Variants in ZFP64 observed in about 807,000 individuals in gnomAD.
ZFP64 encodes the protein zinc finger protein 64.
A neutral mutation model predicts 51.6 loss-of-function variants in ZFP64; 14 were observed. That is an observed-to-expected ratio of 0.27 (90% confidence interval 0.18 to 0.42). The LOEUF is 0.42. Ranked by LOEUF, ZFP64 falls within the 10% of genes least tolerant of loss-of-function variation. The probability of loss-of-function intolerance (pLI) is 1.00; values close to 1 mark genes in which losing one functional copy is unlikely to be tolerated. For missense variants in ZFP64, 754 were observed against 906.8 expected, an observed-to-expected ratio of 0.83 and a Z score of 2.16; for synonymous variants, 375 against 361.4, an observed-to-expected ratio of 1.04 and a Z score of -0.43.
chr20:52,164,741 A>T lies in ZFP64; in HGVS notation c.465T>A (p.Thr155=). 1 of 1,611,664 alleles carries T rather than the reference A, an allele frequency of 6.2e-7. No homozygotes were observed. Among genetic ancestry groups the T allele is most frequent in the Non-Finnish European group, 8.5e-7 (1 of 1,179,424 alleles). ...NCCYPGCQFK[T]AYGMKDMERH... ...GCTCCATGTCCTTCATGCCATAAGCAGTCTTGAATTGGCAACCTAAAAAAA... is the reference window on the plus strand; with the variant it reads ...GCTCCATGTCCTTCATGCCATAAGCTGTCTTGAATTGGCAACCTAAAAAAA... Residue 155 remains threonine (T), a synonymous_variant, in exon 4 of 6, where the codon ACT becomes ACA. Transcript: ENST00000216923.
chr20:52,189,968 A>G (rs1038392110), intron 1 of ZFP64, among the ~76,000 whole-genome samples: 11 of 152,228 alleles, frequency 7.2e-5, no homozygotes, highest in African/African-American at 2.7e-4. Flanking sequence ...ATATATGGTT[A>G]GATAAAATTA....
intron 5 of ZFP64, among the ~76,000 whole-genome samples, chr20:52,122,903 T>C (rs1333353206): frequency 6.6e-6 from 1 of 152,204 alleles, no homozygotes; most frequent in Non-Finnish European, 1.5e-5. Flanking sequence ...ATGGTGAAGA[T>C]GCTGTGAATG....
chr20:52,184,406 C>A (rs948562442), intron 2 of ZFP64, among the ~76,000 whole-genome samples: 6 of 152,218 alleles, frequency 3.9e-5, no homozygotes, highest in Non-Finnish European at 8.8e-5. Context: ...CACTCTCTAA[C>A]ACCTCCCCCA....
intron 5 of ZFP64, chr20:52,098,719 T>C: frequency 2.4e-6 from 3 of 1,238,666 alleles, no homozygotes; most frequent in South Asian, 1.5e-5. Context: ...ATGAAAGCCA[T>C]GTGACCAGGC....
intron 7 of ZFP64, among the ~76,000 whole-genome samples, chr20:52,095,781 C>G (rs2078982164): frequency 6.6e-6 from 1 of 152,176 alleles, no homozygotes; most frequent in Non-Finnish European, 1.5e-5. Flanking sequence ...TGTGGATGTT[C>G]CAGGCCTTTC....
At chr20:52,107,034 C>G (rs1978325074) in intron 5 of ZFP64, among the ~76,000 whole-genome samples, 1 of 152,156 alleles carries the variant, frequency 6.6e-6, no homozygotes, top group Non-Finnish European at 1.5e-5. Context: ...GGAGGTGGAG[C>G]CGAGATCGCG....
At chr20:52,097,115 A>T in intron 7 of ZFP64, 1 of 502,644 alleles carries the variant, frequency 2.0e-6, no homozygotes, top group South Asian at 2.0e-5. Context: ...GGCTGCCCTA[A>T]AAAAAAAAGC....
chr20:52,119,567 T>C (rs6126464), intron 5 of ZFP64, among the ~76,000 whole-genome samples: 19,994 of 121,554 alleles, frequency 0.16, 1,882 homozygotes, highest in Non-Finnish European at 0.22. Flanking sequence ...TATATATATA[T>C]ACACACACAA....
intron 7 of ZFP64, among the ~76,000 whole-genome samples, chr20:52,095,200 AC>A (rs2078975727): frequency 6.6e-6 from 1 of 152,136 alleles, no homozygotes; most frequent in African/African-American, 2.4e-5. Context: ...TGGGCACACA[AC>A]CGCACAGGAG....
At chr20:52,117,746 C>T (rs917303728) in intron 5 of ZFP64, 1 of 445,194 alleles carries the variant, frequency 2.2e-6, no homozygotes. Flanking sequence ...TTCAACTTGC[C>T]TAGAAATGCC....
chr20:52,121,214 G>T (rs556093567), intron 5 of ZFP64, among the ~76,000 whole-genome samples: 18 of 152,248 alleles, frequency 1.2e-4, no homozygotes, highest in African/African-American at 4.3e-4. Flanking sequence ...AAGGGAGGGT[G>T]GTGCATCTCT....
chr20:52,170,470 C>A (rs1982629810), intron 2 of ZFP64, among the ~76,000 whole-genome samples: 1 of 151,906 alleles, frequency 6.6e-6, no homozygotes, highest in Non-Finnish European at 1.5e-5. Flanking sequence ...AAAAACAAAA[C>A]CCAACAGCAA....
chr20:52,138,042 TAAA>T (rs1314203345), intron 5 of ZFP64, among the ~76,000 whole-genome samples: 5 of 122,784 alleles, frequency 4.1e-5, no homozygotes, highest in Admixed American at 8.5e-5. Context: ...AATAAATAAA[TAAA>T]TAAATAAATA....
At chr20:52,125,665 C>T (rs1226067283) in intron 5 of ZFP64, among the ~76,000 whole-genome samples, 1 of 152,156 alleles carries the variant, frequency 6.6e-6, no homozygotes, top group African/African-American at 2.4e-5. Context: ...CAGCCTGTAC[C>T]ATGTGCGGTG....
chr20:52,129,144 C>G (rs1023294058), intron 5 of ZFP64, among the ~76,000 whole-genome samples: 9 of 151,218 alleles, frequency 6.0e-5, no homozygotes, highest in South Asian at 4.2e-4. Flanking sequence ...AGCAGTGGCG[C>G]GATCTCGGCT....
At chr20:52,181,135 G>A (rs533228351) in intron 2 of ZFP64, among the ~76,000 whole-genome samples, 25 of 152,068 alleles carry the variant, frequency 1.6e-4, no homozygotes, top group Admixed American at 1.4e-3. Flanking sequence ...TAGAGATGGG[G>A]GTTTCACCAC....
chr20:52,171,452 C>T (rs1029750753), intron 2 of ZFP64, among the ~76,000 whole-genome samples: 11 of 152,094 alleles, frequency 7.2e-5, no homozygotes, highest in African/African-American at 2.7e-4. Flanking sequence ...TATGTGTGAG[C>T]ATGCATGGTC....
chr20:52,103,790 C>T (rs1012835259), intron 5 of ZFP64, among the ~76,000 whole-genome samples: 1 of 152,230 alleles, frequency 6.6e-6, no homozygotes, highest in East Asian at 1.9e-4. Context: ...CATCCCAGGC[C>T]TCGGGCACGA....
At chr20:52,185,879 G>A (rs113146037) in intron 2 of ZFP64, among the ~76,000 whole-genome samples, 2,706 of 151,800 alleles carry the variant, frequency 0.018, 28 homozygotes, top group Non-Finnish European at 0.02. Context: ...CCGTGTCCAG[G>A]CTCCACTTTG....
Sources: gnomAD v4.1 joint callset for allele counts (sites outside exome capture counted in the v4.1 genomes callset) on GRCh38, gnomAD v4.1.1 for gene constraint, MANE v1.5 for transcripts, NCBI Gene and HGNC (gene_info 2026-07-23, HGNC 2026-07-21) for gene names.